Variants in DGKB observed in about 807,000 individuals in gnomAD.
DGKB encodes the protein 90 kDa diacylglycerol kinase.
DGKB carries 67 observed loss-of-function variants against 114.3 expected under a neutral mutation model. The ratio of observed to expected loss-of-function variants is 0.59; its 90% CI spans 0.48 to 0.72. DGKB has a LOEUF of 0.72. Ranked by LOEUF, DGKB falls within the 30% of genes least tolerant of loss-of-function variation. DGKB has a pLI of 0.00. For synonymous variants in DGKB, 398 were observed against 323.1 expected (o/e 1.23, Z -2.49); for missense variants, 907 against 975.2 (o/e 0.93, Z 0.93).
intron 25 of DGKB, among the ~76,000 whole-genome samples, chr7:14,173,530 T>C (rs1347277823): frequency 6.6e-6 from 1 of 152,158 alleles, no homozygotes; most frequent in Non-Finnish European, 1.5e-5. Flanking sequence ...GAACTTCTGC[T>C]CTCCTCTAAA....
chr7:14,188,329 T>C (rs1010757602), intron 23 of DGKB, among the ~76,000 whole-genome samples: 5 of 152,060 alleles, frequency 3.3e-5, no homozygotes, highest in African/African-American at 1.2e-4. Flanking sequence ...TTCCCAAGTA[T>C]TGGTAGAGTT....
At position 14,517,575 on chromosome 7, in the gene DGKB, TAATTTCCAG is replaced by T; in HGVS notation, c.1771-39359_1771-39351del. Among the ~76,000 whole-genome samples, 3 of 152,234 alleles carry T rather than the reference TAATTTCCAG, an allele frequency of 2.0e-5. No homozygotes were observed. In the Middle Eastern group the frequency reaches 0.01, roughly 518 times the overall value. On this transcript the variant is annotated intron_variant, in intron 20 of 25. Coordinates refer to ENST00000402815, the MANE Select transcript of DGKB (RefSeq NM_001350709.2). ...GTAAACTATGCATCTGAAAAAAGTC[TAATTTCCAG>T]AATCTACCAGAAATTTAAACAAATT...
At chr7:14,697,676 GA>G (rs1388939194) in intron 8 of DGKB, among the ~76,000 whole-genome samples, 1 of 128,584 alleles carries the variant, frequency 7.8e-6, no homozygotes, top group Non-Finnish European at 1.7e-5. Context: ...GAAAAAGAAA[GA>G]AAAGAAAAGG....
At chr7:14,753,299 G>A (rs1050855462) in intron 4 of DGKB, among the ~76,000 whole-genome samples, 2 of 152,144 alleles carry the variant, frequency 1.3e-5, no homozygotes, top group African/African-American at 4.8e-5. Context: ...AGCTACTCTA[G>A]TGTGATTAAA....
chr7:14,445,796 T>C (rs1830649610), intron 21 of DGKB, among the ~76,000 whole-genome samples: 1 of 152,012 alleles, frequency 6.6e-6, no homozygotes, highest in Non-Finnish European at 1.5e-5. Context: ...AGTTTCATGT[T>C]TTTTATAAGC....
intron 23 of DGKB, among the ~76,000 whole-genome samples, chr7:14,311,217 G>C (rs920677858): frequency 1.3e-5 from 2 of 152,096 alleles, no homozygotes; most frequent in African/African-American, 2.4e-5. Context: ...AGGCATATGG[G>C]AGCCAGATAG....
intron 21 of DGKB, among the ~76,000 whole-genome samples, chr7:14,367,850 C>T (rs571282017): frequency 4.6e-5 from 7 of 151,946 alleles, no homozygotes; most frequent in East Asian, 3.9e-4. Flanking sequence ...CTTCAGATCT[C>T]GTGAGGACTC....
chr7:14,952,546 T>TAAA lies in DGKB; in HGVS notation c.-188+22147_-188+22149dup, dbSNP rs147939018. 2.0e-4 allele frequency among the ~76,000 whole-genome samples: 29 copies of TAAA among 148,340 alleles called. No homozygotes were observed. In the East Asian group the frequency reaches 2.4e-3, roughly 12 times the overall value. ...GAAGAGTTGAAATAATCCTCAAAAT[T>TAAA]AAAAAAAAAATACAGCCTGAGCAAC... is the stretch of plus-strand genomic sequence containing the variant. On this transcript the variant is annotated intron_variant, in intron 1 of 4. Coordinates refer to the DGKB transcript ENST00000437998.
intron 1 of DGKB, among the ~76,000 whole-genome samples, chr7:14,897,615 T>C (rs936441136): frequency 3.3e-5 from 5 of 151,920 alleles, no homozygotes; most frequent in African/African-American, 4.8e-5. Flanking sequence ...AAAATAGGTA[T>C]CAGTAAAAAT....
chr7:14,193,949 C>A (rs1784670616), intron 23 of DGKB, among the ~76,000 whole-genome samples: 1 of 152,024 alleles, frequency 6.6e-6, no homozygotes, highest in Non-Finnish European at 1.5e-5. Context: ...GAAAAAAATG[C>A]TCAATACCAC....
At chr7:14,439,372 A>G (rs868356293) in intron 21 of DGKB, among the ~76,000 whole-genome samples, 141 of 152,260 alleles carry the variant, frequency 9.3e-4, no homozygotes, top group African/African-American at 3.3e-3. Flanking sequence ...ATAACGATGA[A>G]TAGAAATAAT....
At chr7:14,266,004 C>T (rs554248551) in intron 23 of DGKB, among the ~76,000 whole-genome samples, 236 of 152,240 alleles carry the variant, frequency 1.6e-3, no homozygotes, top group Non-Finnish European at 1.5e-3. Flanking sequence ...CATCCTCTTG[C>T]CCCTGCCCCA....
intron 23 of DGKB, among the ~76,000 whole-genome samples, chr7:14,281,716 A>G (rs1216515360): frequency 6.6e-6 from 1 of 152,022 alleles, no homozygotes; most frequent in Non-Finnish European, 1.5e-5. Flanking sequence ...CTCACTCAAA[A>G]CCGCTCAACT....
intron 5 of DGKB, among the ~76,000 whole-genome samples, chr7:14,729,123 C>CTTTCTTTTTTTTTTTTTTTT (rs1463141725): frequency 2.6e-5 from 3 of 113,420 alleles, no homozygotes; most frequent in African/African-American, 3.6e-5. Flanking sequence ...CATTTTCTTT[C>CTTTCTTTTTTTTTTTTTTTT]TTTTTTTTTT....
chr7:14,475,416 T>A (rs919837424), intron 21 of DGKB, among the ~76,000 whole-genome samples: 17 of 152,152 alleles, frequency 1.1e-4, no homozygotes, highest in Non-Finnish European at 2.1e-4. Context: ...GTTTAGGGAA[T>A]TGCCTAAATG....
chr7:14,189,935 G>C (rs1784058265), intron 23 of DGKB, among the ~76,000 whole-genome samples: 1 of 152,040 alleles, frequency 6.6e-6, no homozygotes, highest in African/African-American at 2.4e-5. Flanking sequence ...TAAAGGGAGA[G>C]ATAGAACACA....
chr7:14,412,851 C>T (rs189038751), intron 21 of DGKB, among the ~76,000 whole-genome samples: 35 of 151,778 alleles, frequency 2.3e-4, no homozygotes, highest in African/African-American at 6.3e-4. Context: ...CGTGATGGTG[C>T]GTGCCTGTAA....
chr7:14,806,987 A>T (rs1454669931), intron 2 of DGKB, among the ~76,000 whole-genome samples: 1 of 151,964 alleles, frequency 6.6e-6, no homozygotes, highest in Admixed American at 6.6e-5. Flanking sequence ...CTAGTTGGGT[A>T]TTCATCTATC....
intron 1 of DGKB, among the ~76,000 whole-genome samples, chr7:14,873,568 G>C (rs947893966): frequency 2.0e-5 from 3 of 151,780 alleles, no homozygotes; most frequent in African/African-American, 7.2e-5. Context: ...GGTGGAAAAA[G>C]ATTCAAATCA....
Sources: gnomAD v4.1 joint callset for allele counts (sites outside exome capture counted in the v4.1 genomes callset) on GRCh38, gnomAD v4.1.1 for gene constraint, MANE v1.5 for transcripts, NCBI Gene and HGNC (gene_info 2026-07-23, HGNC 2026-07-21) for gene names.